The following DPP10 variants were observed in gnomAD, a reference collection of about 807,000 sequenced individuals.
The protein encoded by DPP10 is dipeptidyl peptidase like 10, also known as inactive dipeptidyl peptidase 10.
Under a neutral mutation model 120.9 loss-of-function variants are expected in DPP10, and 33 were observed. The observed-to-expected ratio is 0.27, with a 90% CI of 0.21 to 0.37. DPP10 has a LOEUF of 0.37. Ranked by LOEUF, DPP10 falls within the 10% of genes least tolerant of loss-of-function variation. The probability of loss-of-function intolerance (pLI) is 1.00; values close to 1 mark genes in which losing one functional copy is unlikely to be tolerated. For synonymous variants in DPP10, 337 were observed against 326.1 expected (o/e 1.03, Z -0.36); for missense variants, 816 against 942.8 (o/e 0.87, Z 1.76).
intron 5 of DPP10, among the ~76,000 whole-genome samples, chr2:115,642,023 G>T (rs1032239874): frequency 5.3e-5 from 8 of 151,968 alleles, no homozygotes; most frequent in African/African-American, 1.9e-4. Flanking sequence ...GAAAGATAGG[G>T]CATTGCTTTT....
chr2:114,660,113 G>A (rs1208053297), intron 1 of DPP10, among the ~76,000 whole-genome samples: 1 of 152,166 alleles, frequency 6.6e-6, no homozygotes, highest in African/African-American at 2.4e-5. Context: ...GAAGCTGGTA[G>A]AGCACAGAAG....
At chr2:114,790,684 G>A (rs1238466605) in intron 1 of DPP10, among the ~76,000 whole-genome samples, 1 of 152,010 alleles carries the variant, frequency 6.6e-6, no homozygotes, top group Non-Finnish European at 1.5e-5. Context: ...TTCGCAAGGT[G>A]CTCAGTGGGG....
chr2:115,233,265 C>T (rs1168654273), intron 1 of DPP10, among the ~76,000 whole-genome samples: 1 of 151,430 alleles, frequency 6.6e-6, no homozygotes, highest in African/African-American at 2.4e-5. Context: ...TCAAGGGAGG[C>T]TAGGTATATG....
At chr2:115,355,311 G>T (rs867862576) in intron 3 of DPP10, among the ~76,000 whole-genome samples, 3 of 152,034 alleles carry the variant, frequency 2.0e-5, no homozygotes, top group Middle Eastern at 6.8e-3. Context: ...CTAATGATCA[G>T]TAATGTTGAC....
chr2:115,321,515 G>GTTTTTTTTTTTTTTTTTTTTT (rs35046366), intron 2 of DPP10, among the ~76,000 whole-genome samples: 2 of 121,592 alleles, frequency 1.6e-5, no homozygotes, highest in East Asian at 2.5e-4. Context: ...TTTTTTTAGT[G>GTTTTTTTTTTTTTTTTTTTTT]TTTTTTTTTT....
chr2:115,064,730 G>A (rs1706701514), intron 1 of DPP10: 1 of 1,303,414 alleles, frequency 7.7e-7, no homozygotes, highest in South Asian at 1.2e-5. Flanking sequence ...GGTTGCATTT[G>A]TAGAAAGTGG....
chr2:114,760,609 T>G (rs1330814002), intron 1 of DPP10, among the ~76,000 whole-genome samples: 1 of 151,944 alleles, frequency 6.6e-6, no homozygotes, highest in African/African-American at 2.4e-5. Flanking sequence ...ACCCTGCTTC[T>G]GGGAAGCCTT....
At chr2:115,642,753 T>C (rs963775460) in intron 5 of DPP10, among the ~76,000 whole-genome samples, 1 of 152,116 alleles carries the variant, frequency 6.6e-6, no homozygotes, top group African/African-American at 2.4e-5. Context: ...TATATATTTA[T>C]ACACACACAT....
At chr2:115,215,811 T>C (rs1469252140) in intron 1 of DPP10, among the ~76,000 whole-genome samples, 1 of 152,172 alleles carries the variant, frequency 6.6e-6, no homozygotes, top group Non-Finnish European at 1.5e-5. Context: ...ACTGGGTATC[T>C]ACCCCCACAG....
intron 1 of DPP10, among the ~76,000 whole-genome samples, chr2:114,523,722 T>C (rs1374005285): frequency 6.6e-6 from 1 of 152,166 alleles, no homozygotes; most frequent in Non-Finnish European, 1.5e-5. Context: ...TGTTGCCAGA[T>C]GTGGAGTCTC....
intron 7 of DPP10, among the ~76,000 whole-genome samples, chr2:115,721,515 A>G (rs143293603): frequency 3.3e-5 from 5 of 152,334 alleles, no homozygotes; most frequent in African/African-American, 9.6e-5. Flanking sequence ...ATGTACAACA[A>G]TAAATATAGT....
chr2:114,993,630 A>T (rs889971168), intron 1 of DPP10, among the ~76,000 whole-genome samples: 2 of 130,340 alleles, frequency 1.5e-5, no homozygotes, highest in African/African-American at 5.5e-5. Flanking sequence ...TAACAGAAGC[A>T]TCCAATGCTT....
chr2:115,542,193 C>T (rs557550328), intron 5 of DPP10, among the ~76,000 whole-genome samples: 1 of 152,050 alleles, frequency 6.6e-6, no homozygotes, highest in South Asian at 2.1e-4. Context: ...CAGAACTGCT[C>T]TGTCACCACA....
intron 5 of DPP10, among the ~76,000 whole-genome samples, chr2:115,662,127 G>A (rs1211339320): frequency 6.6e-6 from 1 of 151,856 alleles, no homozygotes; most frequent in Non-Finnish European, 1.5e-5. Flanking sequence ...ATTTTTCTTT[G>A]TGTGTTTGGT....
At chr2:115,556,302 G>T (rs1196127615) in intron 5 of DPP10, among the ~76,000 whole-genome samples, 1 of 150,506 alleles carries the variant, frequency 6.6e-6, no homozygotes, top group East Asian at 2.0e-4. Flanking sequence ...GGATGACTTT[G>T]AATGCAGCCC....
At chr2:115,597,690 TA>T (rs893878359) in intron 5 of DPP10, among the ~76,000 whole-genome samples, 15 of 151,794 alleles carry the variant, frequency 9.9e-5, no homozygotes, top group Non-Finnish European at 2.1e-4. Flanking sequence ...TCCTCAAAAA[TA>T]AAAAAACTTT....
At chr2:114,936,436 C>CAT (rs893266629) in intron 1 of DPP10, among the ~76,000 whole-genome samples, 2 of 151,088 alleles carry the variant, frequency 1.3e-5, no homozygotes, top group Non-Finnish European at 2.9e-5. Flanking sequence ...TATATATACA[C>CAT]ATATATACGC....
intron 24 of DPP10, among the ~76,000 whole-genome samples, chr2:115,838,671 T>C (rs567995294): frequency 6.6e-6 from 1 of 152,298 alleles, no homozygotes; most frequent in Non-Finnish European, 1.5e-5. Context: ...TAAATCATTG[T>C]TCTATCTGAC....
Position 115,464,827 on chromosome 2 carries a change from C to T in DPP10, c.272-34683C>T, listed in dbSNP as rs116313888. Reference sequence around the variant, plus strand: ...AGTGAGCTAGAGGAGGGAGAGAGAACCCTCCAACGTGCAGAGACTGGGTGT... The same window carrying T: ...AGTGAGCTAGAGGAGGGAGAGAGAATCCTCCAACGTGCAGAGACTGGGTGT... On this transcript the variant is annotated intron_variant, in intron 3 of 25. Coordinates refer to ENST00000410059, the MANE Select transcript of DPP10 (RefSeq NM_020868.6). Among the ~76,000 whole-genome samples, 682 of 152,166 alleles carry T rather than the reference C, an allele frequency of 4.5e-3. 4 individuals are homozygous for T. The highest frequency in any genetic ancestry group is 0.015 in the African/African-American group (639 of 41,524).
Sources: allele counts gnomAD v4.1 joint callset (sites outside exome capture counted in the v4.1 genomes callset), GRCh38; gene constraint gnomAD v4.1.1; transcripts MANE v1.5; gene names NCBI Gene and HGNC (gene_info 2026-07-23, HGNC 2026-07-21).